Variants in AHNAK observed in about 807,000 individuals in gnomAD.
AHNAK encodes the protein AHNAK nucleoprotein, also known as neuroblast differentiation-associated protein AHNAK.
A neutral mutation model predicts 37.8 loss-of-function variants in AHNAK; 23 were observed. The ratio of observed to expected loss-of-function variants is 0.61; its 90% confidence interval spans 0.44 to 0.86. The LOEUF (loss-of-function observed/expected upper bound fraction) is 0.86, where lower values mean the gene tolerates loss of function less well. Among genes scored for constraint, AHNAK ranks in the 40% least tolerant of loss-of-function variants. AHNAK has a pLI of 0.00. For missense variants in AHNAK, 7,411 were observed against 7,319.4 expected (o/e 1.01, Z -0.46); for synonymous variants, 2,481 against 2,636.3 (o/e 0.94, Z 1.80).
chr11:62,506,122 T>C (rs1412663142), intron 4 of AHNAK, among the ~76,000 whole-genome samples: 1 of 149,668 alleles, frequency 6.7e-6, no homozygotes, highest in African/African-American at 2.5e-5. Flanking sequence ...GGTGGGAGGA[T>C]GGCTTGAGCC....
intron 5 of AHNAK, among the ~76,000 whole-genome samples, chr11:62,486,325 T>C (rs2134882244): frequency 6.6e-6 from 1 of 151,710 alleles, no homozygotes; most frequent in South Asian, 2.1e-4. Context: ...AAATACAAAA[T>C]TAGCAGGCGG....
At chr11:62,534,125 G>C (rs1454077304) in intron 4 of AHNAK, 51 bp from the exon 5 acceptor site, 1 of 1,493,398 alleles carries the variant, frequency 6.7e-7, no homozygotes, top group Non-Finnish European at 8.9e-7. Flanking sequence ...GCCTGAGTTA[G>C]CAGATGCCCG....
intron 3 of AHNAK, among the ~76,000 whole-genome samples, 188 bp from the exon 4 acceptor site, chr11:62,535,378 G>A (rs1250535960): frequency 6.6e-6 from 1 of 152,176 alleles, no homozygotes; most frequent in Non-Finnish European, 1.5e-5. Context: ...GCCAGGTGCA[G>A]TGGCTCACAC....
intron 1 of AHNAK, among the ~76,000 whole-genome samples, chr11:62,545,263 G>A (rs1426943154): frequency 6.6e-6 from 1 of 152,238 alleles, no homozygotes; most frequent in Non-Finnish European, 1.5e-5. Flanking sequence ...ACAACCCTCA[G>A]TGGCCTCATT....
chr11:62,498,566 A>T (rs1939656293), intron 4 of AHNAK, among the ~76,000 whole-genome samples: 1 of 150,538 alleles, frequency 6.6e-6, no homozygotes. Context: ...TGAGAGCAGC[A>T]CGTGAGCAAC....
chr11:62,481,208 C>A (rs1334643031), intron 5 of AHNAK, among the ~76,000 whole-genome samples: 2 of 151,744 alleles, frequency 1.3e-5, no homozygotes, highest in Non-Finnish European at 2.9e-5. Context: ...CGAGTTCAAG[C>A]AGTTCTCCTG....
At chr11:62,490,118 C>T (rs1022318333) in intron 5 of AHNAK, among the ~76,000 whole-genome samples, 4 of 151,514 alleles carry the variant, frequency 2.6e-5, no homozygotes, top group Admixed American at 6.6e-5. Context: ...ACAGGCAATG[C>T]TTTCCAGTTG....
intron 5 of AHNAK, among the ~76,000 whole-genome samples, chr11:62,459,531 G>A (rs1185544234): frequency 6.6e-6 from 1 of 152,164 alleles, no homozygotes; most frequent in African/African-American, 2.4e-5. Flanking sequence ...CAGTGATGGA[G>A]AGGCACACAG....
chr11:62,508,737 G>A (rs1939855885), intron 4 of AHNAK, among the ~76,000 whole-genome samples: 1 of 152,228 alleles, frequency 6.6e-6, no homozygotes, highest in Non-Finnish European at 1.5e-5. Context: ...TTCAGAGGCT[G>A]GTAAACAGCA....
At chr11:62,448,384 C>A (rs753787698) in intron 5 of AHNAK, among the ~76,000 whole-genome samples, 2 of 152,152 alleles carry the variant, frequency 1.3e-5, no homozygotes, top group Non-Finnish European at 2.9e-5. Flanking sequence ...GACTCACAGC[C>A]GTCCAGGTGA....
chr11:62,479,167 C>CTTTTTTTTTTTTTTT (rs33929407), intron 5 of AHNAK, among the ~76,000 whole-genome samples: 3 of 116,252 alleles, frequency 2.6e-5, no homozygotes, highest in Admixed American at 2.2e-4. Flanking sequence ...TTTCTTTTTT[C>CTTTTTTTTTTTTTTT]TTTTTTTTTT....
Position 62,526,471 on chromosome 11 carries a change from G to C in AHNAK, c.7946C>G (p.Pro2649Arg). ...PKVKMPKFSM[P>R]GFKGEGPDGD... is the part of the protein sequence containing the mutation. ...ATCTGGGCCCTCTCCTTTGAAGCCA[G>C]GCATGCTGAACTTTGGCATTTTCAC... Residue 2649 changes from proline (P) to arginine (R), a missense_variant, in exon 5 of 5, where the codon CCT becomes CGT. Coordinates refer to ENST00000378024, the MANE Select transcript of AHNAK (RefSeq NM_001620.3). 6.2e-7 allele frequency: 1 copy of C among 1,612,846 alleles called. No individual in the cohort carries two copies. Among genetic ancestry groups the C allele is most frequent in the Non-Finnish European group, 8.5e-7 (1 of 1,179,556 alleles).
At chr11:62,536,182 T>G (rs1940942412) in intron 2 of AHNAK, 84 bp from the exon 3 acceptor site, 4 of 1,436,472 alleles carry the variant, frequency 2.8e-6, no homozygotes, top group Non-Finnish European at 3.7e-6. Context: ...TCTCTGGCGC[T>G]GTGAACTCCA....
intron 5 of AHNAK, among the ~76,000 whole-genome samples, chr11:62,453,560 G>A (rs1203719170): frequency 2.0e-5 from 3 of 152,132 alleles, no homozygotes; most frequent in Non-Finnish European, 4.4e-5. Flanking sequence ...CCTGAACTTG[G>A]CACTGCACCA....
At chr11:62,443,275 C>CTTTTTTTT (rs530619642) in intron 5 of AHNAK, among the ~76,000 whole-genome samples, 32,498 of 98,600 alleles carry the variant, frequency 0.33, 7,400 homozygotes, top group East Asian at 0.55. Context: ...TGCACCCGGC[C>CTTTTTTTT]TTTTTTTTTT....
Position 62,533,531 on chromosome 11 carries a change from G to A in AHNAK, c.886C>T (p.Leu296=), listed in dbSNP as rs1409666761. The A allele has an allele frequency of 1.7e-5, 27 of 1,614,036 alleles. No homozygotes were observed. The highest frequency in any genetic ancestry group is 2.0e-5 in the Non-Finnish European group (24 of 1,180,050). ...ATTTTGCCATGATCACCACTCTCCA[G>A]AGATGGGCCCTGTACCTCTACTGCC... The part of the protein sequence containing the change: ...GRAVEVQGPS[L]ESGDHGKIKF... The change falls in exon 5 of 5, where the codon CTG becomes TTG. Residue 296 remains leucine, a synonymous_variant. Coordinates refer to ENST00000378024, the MANE Select transcript of AHNAK (RefSeq NM_001620.3).
chr11:62,518,036 C>A lies in AHNAK; in HGVS notation c.16381G>T (p.Val5461Leu). 1 of 1,614,212 alleles carries A rather than the reference C, an allele frequency of 6.2e-7. No individual in the cohort carries two copies. Among genetic ancestry groups the A allele is most frequent in the Non-Finnish European group, 8.5e-7 (1 of 1,180,042 alleles). Residue 5461 changes from valine (V) to leucine (L), a missense_variant, in exon 5 of 5, where the codon GTG becomes TTG. Physicochemically the swap from Val to Leu is conservative, Grantham distance 32 (BLOSUM62 1). Transcript: ENST00000378024. ...NVDFNLEGPK[V>L]KGSLGATGEI... ...CCAGTGGCCCCAAGGCTCCCTTTCA[C>A]TTTTGGTCCTTCCAAGTTAAAGTCC...
chr11:62,472,995 G>A (rs556826909), intron 5 of AHNAK, among the ~76,000 whole-genome samples: 2 of 129,340 alleles, frequency 1.5e-5, no homozygotes, highest in South Asian at 5.1e-4. Context: ...TGAGGCACAA[G>A]AATCACTTGA....
intron 5 of AHNAK, among the ~76,000 whole-genome samples, chr11:62,437,335 T>C (rs976433003): frequency 1.3e-5 from 2 of 152,180 alleles, no homozygotes; most frequent in African/African-American, 4.8e-5. Context: ...ATTGTCAGCA[T>C]AGGCACTCAA....
Sources: gnomAD v4.1 joint callset for allele counts (sites outside exome capture counted in the v4.1 genomes callset) on GRCh38, gnomAD v4.1.1 for gene constraint, MANE v1.5 for transcripts, NCBI Gene and HGNC (gene_info 2026-07-23, HGNC 2026-07-21) for gene names.